Variants in NOL8 observed in about 807,000 individuals in gnomAD.
The protein encoded by NOL8 is nucleolar protein 8, also known as nucleolar protein Nop132.
NOL8 carries 93 observed loss-of-function variants against 116.1 expected under a neutral mutation model. The observed-to-expected ratio is 0.80, with a 90% CI of 0.68 to 0.95. The LOEUF (loss-of-function observed/expected upper bound fraction) is 0.95. Ranked by LOEUF, NOL8 falls within the 40% of genes least tolerant of loss-of-function variation. The pLI is 0.00. For synonymous variants in NOL8, 419 were observed against 469.0 expected (o/e 0.89, Z 1.38); for missense variants, 1,291 against 1,382.8 (o/e 0.93, Z 1.05).
chr9:92,297,718 C>A lies in NOL8; in HGVS notation c.*118G>T. On this transcript the variant is annotated 3_prime_UTR_variant, in exon 17 of 17. Transcript: ENST00000442668. Reference sequence around the variant, plus strand: ...GCAACCAGAATGATATTCCGTCAGCCAGATTTTTAAAATTCCTTCACTCTG... The same window carrying A: ...GCAACCAGAATGATATTCCGTCAGCAAGATTTTTAAAATTCCTTCACTCTG... 1 of 714,464 alleles carries A rather than the reference C, an allele frequency of 1.4e-6. No individual in the cohort carries two copies. Among genetic ancestry groups the A allele is most frequent in the Non-Finnish European group, 2.3e-6 (1 of 441,504 alleles). 44.3% of individuals were successfully genotyped at this position (714,464 alleles called of 1,614,324 possible). A position where few individuals can be genotyped will look rare whatever the true frequency, so the allele number is the denominator to read the frequency against.
intron 11 of NOL8, 38 bp downstream of exon 11, chr9:92,306,848 G>C: frequency 6.3e-7 from 1 of 1,584,976 alleles, no homozygotes; most frequent in Non-Finnish European, 8.6e-7. Flanking sequence ...TTATGGCAAA[G>C]GATGATATGG....
chr9:92,312,179 G>T (rs983995240), intron 7 of NOL8, among the ~76,000 whole-genome samples: 16 of 152,214 alleles, frequency 1.1e-4, no homozygotes, highest in African/African-American at 3.9e-4. Context: ...AATAGGCCAG[G>T]TACAGTGGTT....
chr9:92,322,981 A>G (rs1163993580), intron 3 of NOL8: 1 of 156,438 alleles, frequency 6.4e-6, no homozygotes, highest in African/African-American at 2.4e-5. Flanking sequence ...TTCTTCATTG[A>G]AGGCCACTGT....
intron 6 of NOL8, among the ~76,000 whole-genome samples, chr9:92,316,540 T>C (rs1171771953): frequency 6.6e-6 from 1 of 152,254 alleles, no homozygotes; most frequent in Non-Finnish European, 1.5e-5. Flanking sequence ...GTGTGTCCTT[T>C]ACTCTCAAAT....
Position 92,297,730 on chromosome 9 carries a change from A to T in NOL8, c.*106T>A. On this transcript the variant is annotated 3_prime_UTR_variant, in exon 17 of 17. Transcript: ENST00000442668. ...ATATTCCGTCAGCCAGATTTTTAAA[A>T]TTCCTTCACTCTGAAATTTCTTCTT... 3.3e-5 allele frequency: 25 copies of T among 750,372 alleles called. No individual in the cohort carries two copies. Among genetic ancestry groups the T allele is most frequent in the Non-Finnish European group, 5.3e-5 (25 of 471,012 alleles). 46.5% of individuals were successfully genotyped at this position (750,372 alleles called of 1,614,324 possible).
At chr9:92,320,054 ATTATC>A in intron 4 of NOL8, 1 of 455,994 alleles carries the variant, frequency 2.2e-6, no homozygotes, top group Non-Finnish European at 4.4e-6. Flanking sequence ...GGCATTTTAT[ATTATC>A]TTCTCTCCAT....
intron 12 of NOL8, among the ~76,000 whole-genome samples, chr9:92,302,272 T>C (rs536301789): frequency 8.6e-4 from 131 of 152,314 alleles, no homozygotes; most frequent in Non-Finnish European, 1.5e-3. Context: ...ATTATAAATA[T>C]GTATAGTGTC....
At chr9:92,299,703 G>C (rs1837555147) in intron 14 of NOL8, among the ~76,000 whole-genome samples, 187 bp downstream of exon 14, 1 of 151,098 alleles carries the variant, frequency 6.6e-6, no homozygotes, top group East Asian at 1.9e-4. Context: ...AGTGAGCTGA[G>C]ATCATGCCAT....
intron 12 of NOL8, among the ~76,000 whole-genome samples, chr9:92,305,288 G>A (rs924263476): frequency 6.6e-6 from 1 of 152,134 alleles, no homozygotes; most frequent in Non-Finnish European, 1.5e-5. Context: ...GTAGTCTCAA[G>A]CCAAGGAACA....
Position 92,315,341 on chromosome 9 carries a change from T to G in NOL8, c.1284A>C (p.Gln428His). The change falls in exon 7 of 17, where the codon CAA becomes CAC. Residue 428 changes from glutamine (Q) to histidine (H), a missense_variant. Transcript: ENST00000442668. ...CTGACTCTACATTGCTTTTTCTTTT[T>G]TGTAGTTTAATACAGTGATCAGAAA... ...CELSDHCIKLQKRKSNVESAL... is the reference protein window; with the variant it reads ...CELSDHCIKLHKRKSNVESAL... 1 of 1,612,920 alleles carries G rather than the reference T, an allele frequency of 6.2e-7. No individual in the cohort carries two copies. The highest frequency in any genetic ancestry group is 1.1e-5 in the South Asian group (1 of 90,894).
Position 92,297,777 on chromosome 9 carries a change from G to A in NOL8, c.*59C>T, listed in dbSNP as rs183908535. ...TCTTTGTCAGCTAAAACTGTTTTCT[G>A]GGTCAGTTTCCTTAGGTGAGCCTTG... On this transcript the variant is annotated 3_prime_UTR_variant, in exon 17 of 17. Coordinates refer to ENST00000442668, the MANE Select transcript of NOL8 (RefSeq NM_017948.6). The A allele has an allele frequency of 3.5e-4, 439 of 1,265,568 alleles. No individual in the cohort carries two copies. Among genetic ancestry groups the A allele is most frequent in the Non-Finnish European group, 4.4e-4 (410 of 921,428 alleles). The allele number at this position is 1,265,568 out of a possible 1,614,324, so 78.4% of individuals were successfully genotyped here. A position where few individuals can be genotyped will look rare whatever the true frequency, so the allele number is the denominator to read the frequency against.
At chr9:92,323,947 T>C in intron 2 of NOL8, 76 bp downstream of exon 2, 1 of 1,491,212 alleles carries the variant, frequency 6.7e-7, no homozygotes. Flanking sequence ...ACATTTATCT[T>C]GGGGTTGTTT....
intron 11 of NOL8, among the ~76,000 whole-genome samples, chr9:92,306,405 T>G (rs1270786701): frequency 6.6e-6 from 1 of 152,160 alleles, no homozygotes; most frequent in Non-Finnish European, 1.5e-5. Flanking sequence ...CTATCTGGGA[T>G]TTGCATAAAA....
chr9:92,314,306 TTC>T lies in NOL8; in HGVS notation c.2317_2318del (p.Glu773SerfsTer8), dbSNP rs1184723441. ...CATTATGCACCAGCTTCTTCTGCAC[TTC>T]TTTTGCTTTTTGCCTCGCTTCCAAG... ...AALEARQKAK[E>X]VQKKLVHNAL... On this transcript the variant is annotated frameshift_variant, in exon 7 of 17. Transcript: ENST00000442668. LOFTEE classifies it high-confidence loss of function. The T allele has an allele frequency of 6.3e-7, 1 of 1,599,868 alleles. No homozygotes were observed. Among genetic ancestry groups the T allele is most frequent in the African/African-American group, 1.3e-5 (1 of 74,430 alleles).
intron 2 of NOL8, 61 bp from the exon 3 acceptor site, chr9:92,323,564 T>A (rs1429420598): frequency 2.2e-6 from 3 of 1,366,934 alleles, no homozygotes; most frequent in Non-Finnish European, 3.0e-6. Context: ...CAGAGAGCAA[T>A]GTAAAAACGG....
intron 6 of NOL8, among the ~76,000 whole-genome samples, chr9:92,317,338 T>C (rs1377531279): frequency 6.6e-6 from 1 of 152,182 alleles, no homozygotes; most frequent in Non-Finnish European, 1.5e-5. Context: ...TGCCAAAAAG[T>C]GTCTATTGTC....
chr9:92,318,659 C>G lies in NOL8; in HGVS notation c.445G>C (p.Val149Leu). 1 of 1,600,980 alleles carries G rather than the reference C, an allele frequency of 6.2e-7. No individual in the cohort carries two copies. Residue 149 changes from valine (V) to leucine (L), a missense_variant, in exon 6 of 17, where the codon GTC becomes CTC. By Grantham distance (32) the Val-to-Leu change is conservative. Coordinates refer to ENST00000442668, the MANE Select transcript of NOL8 (RefSeq NM_017948.6). ...TTTTTAAGGTGAAGAACAGGTAAGA[C>G]TCTTCCAAATTTGCTCACAACCCAA... is the stretch of plus-strand genomic sequence containing the variant. ...KNWVVSKFGR[V>L]LPVLHLKNQH...
rs769820647 is a variant in NOL8 at position 92,311,134 on chromosome 9, T to G, written c.2472+12A>C. The G allele has an allele frequency of 6.3e-7, 1 of 1,593,158 alleles. No homozygotes were observed. The highest frequency in any genetic ancestry group is 8.6e-7 in the Non-Finnish European group (1 of 1,161,750). ...TAGATGAATGTCCACAGAGACATCC[T>G]GAACTTCTTACTTTCACCCATTCCT... On this transcript the variant is annotated intron_variant, in intron 8 of 16. Coordinates refer to ENST00000442668, the MANE Select transcript of NOL8 (RefSeq NM_017948.6).
chr9:92,321,771 G>A (rs1839949116), intron 3 of NOL8, 25 bp from the exon 4 acceptor site: 1 of 1,093,044 alleles, frequency 9.1e-7, no homozygotes, highest in Non-Finnish European at 1.3e-6. Context: ...ATTATTACAA[G>A]TACATGGCAA....
Sources: gnomAD v4.1 joint callset for allele counts (sites outside exome capture counted in the v4.1 genomes callset) on GRCh38, gnomAD v4.1.1 for gene constraint, MANE v1.5 for transcripts, NCBI Gene and HGNC (gene_info 2026-07-23, HGNC 2026-07-21) for gene names.